Variants in TM4SF4 observed in about 807,000 individuals in gnomAD.
TM4SF4 encodes transmembrane 4 L six family member 4.
Under a neutral mutation model 24.1 loss-of-function variants are expected in TM4SF4, and 24 were observed. The ratio of observed to expected loss-of-function variants is 1.00; its 90% CI spans 0.72 to 1.40. The LOEUF (loss-of-function observed/expected upper bound fraction) is 1.40, where lower values mean the gene tolerates loss of function less well. TM4SF4 is among the 40% of genes most tolerant of loss of function. The probability of loss-of-function intolerance (pLI) is 0.00; values close to 1 mark genes in which losing one functional copy is unlikely to be tolerated. For synonymous variants in TM4SF4, 113 were observed against 97.0 expected, an observed-to-expected ratio of 1.17 and a Z score of -0.97; for missense variants, 254 against 254.2, an observed-to-expected ratio of 1.00 and a Z score of 0.01.
At chr3:149,486,231 A>G (rs1285808498) in intron 2 of TM4SF4, among the ~76,000 whole-genome samples, 1 of 152,190 alleles carries the variant, frequency 6.6e-6, no homozygotes, top group Admixed American at 6.5e-5. Context: ...ATTTAGCTTA[A>G]GCTGCCACGT....
chr3:149,495,016 A>C (rs1034112759), intron 3 of TM4SF4: 1 of 212,134 alleles, frequency 4.7e-6, no homozygotes, highest in Non-Finnish European at 9.8e-6. Flanking sequence ...GTGAATCTGA[A>C]GCCGATATCT....
chr3:149,486,120 G>C (rs1051667250), intron 2 of TM4SF4, among the ~76,000 whole-genome samples: 6 of 152,082 alleles, frequency 3.9e-5, no homozygotes, highest in African/African-American at 1.4e-4. Context: ...AATCACCCAG[G>C]CACGATCAGG....
In TM4SF4 at chr3:149,494,489, A is replaced by G. The variant is rs529273244; in HGVS notation, c.402-4233A>G. ...TGTGCCTGGAAAATATTGCATCTTT[A>G]TAACCTTTTATAATTACCAAGTTTT... On this transcript the variant is annotated intron_variant, in intron 3 of 4. Transcript: ENST00000305354. 7.2e-5 allele frequency among the ~76,000 whole-genome samples: 11 copies of G among 152,338 alleles called. No homozygotes were observed. In the South Asian group the frequency reaches 2.3e-3, roughly 32 times the overall value.
At chr3:149,481,966 A>G (rs1469834316) in intron 2 of TM4SF4, among the ~76,000 whole-genome samples, 1 of 152,252 alleles carries the variant, frequency 6.6e-6, no homozygotes, top group Non-Finnish European at 1.5e-5. Flanking sequence ...AAATACTATA[A>G]TATAATAATG....
intron 4 of TM4SF4, among the ~76,000 whole-genome samples, chr3:149,500,557 C>A (rs960570777): frequency 6.6e-6 from 1 of 152,044 alleles, no homozygotes; most frequent in African/African-American, 2.4e-5. Flanking sequence ...TAGTAATCCA[C>A]CAAAATTATT....
intron 2 of TM4SF4, among the ~76,000 whole-genome samples, chr3:149,478,078 C>T (rs1447347175): frequency 6.6e-6 from 1 of 152,166 alleles, no homozygotes; most frequent in Non-Finnish European, 1.5e-5. Flanking sequence ...AAGTATTACA[C>T]AAAACTTGGT....
At chr3:149,481,456 GA>G (rs1734031867) in intron 2 of TM4SF4, among the ~76,000 whole-genome samples, 1 of 152,116 alleles carries the variant, frequency 6.6e-6, no homozygotes, top group African/African-American at 2.4e-5. Flanking sequence ...TATAAATGAG[GA>G]AACTGGGGCT....
intron 3 of TM4SF4, among the ~76,000 whole-genome samples, chr3:149,497,765 C>T (rs898008628): frequency 1.3e-5 from 2 of 152,120 alleles, no homozygotes; most frequent in Non-Finnish European, 2.9e-5. Context: ...CAGCCTTAGT[C>T]TCCTGAGTAG....
chr3:149,487,607 CCT>C lies in TM4SF4; in HGVS notation c.265-7_265-6del, dbSNP rs759257383. ...CCTGGAGAATGTGACTGTCTCTCTT[CCT>C]CTCTTTCAGATGTTCACCTCCACGA... On this transcript the variant is annotated splice_polypyrimidine_tract_variant and intron_variant, in intron 2 of 4. Transcript: ENST00000305354. The C allele has an allele frequency of 6.2e-7, 1 of 1,613,950 alleles. No homozygotes were observed. The highest frequency in any genetic ancestry group is 8.5e-7 in the Non-Finnish European group (1 of 1,179,846).
chr3:149,492,678 G>A (rs945870739), intron 3 of TM4SF4, among the ~76,000 whole-genome samples: 11 of 151,950 alleles, frequency 7.2e-5, no homozygotes, highest in Non-Finnish European at 1.5e-4. Flanking sequence ...AAGAGTCAAG[G>A]GCAAGGAGAG....
At chr3:149,489,653 C>T (rs942618300) in intron 3 of TM4SF4, among the ~76,000 whole-genome samples, 11 of 152,150 alleles carry the variant, frequency 7.2e-5, no homozygotes, top group African/African-American at 1.7e-4. Flanking sequence ...GGACAGGAAA[C>T]GACTTTTGGA....
chr3:149,476,684 C>T (rs934746834), intron 2 of TM4SF4, among the ~76,000 whole-genome samples: 12 of 152,312 alleles, frequency 7.9e-5, no homozygotes, highest in African/African-American at 2.4e-4. Context: ...CTTTCCACAA[C>T]ATAGAATGTC....
intron 3 of TM4SF4, 46 bp from the exon 4 acceptor site, chr3:149,498,676 G>A (rs2107876842): frequency 1.9e-6 from 3 of 1,571,422 alleles, no homozygotes; most frequent in Non-Finnish European, 2.6e-6. Context: ...GGAGGGAATT[G>A]CACACTTTTT....
chr3:149,494,175 CT>C (rs1159274518), intron 3 of TM4SF4, among the ~76,000 whole-genome samples: 1 of 152,140 alleles, frequency 6.6e-6, no homozygotes, highest in Admixed American at 6.5e-5. Flanking sequence ...TGAACACAGG[CT>C]TTTTTGCCAG....
chr3:149,481,101 C>A (rs1734025958), intron 2 of TM4SF4, among the ~76,000 whole-genome samples: 1 of 152,152 alleles, frequency 6.6e-6, no homozygotes, highest in African/African-American at 2.4e-5. Context: ...ACCTCTTGAT[C>A]TGCCTGCCTT....
chr3:149,486,020 C>A (rs534155498), intron 2 of TM4SF4, among the ~76,000 whole-genome samples: 2 of 152,098 alleles, frequency 1.3e-5, no homozygotes, highest in African/African-American at 4.8e-5. Context: ...ATTAAAAAGA[C>A]TTTTTTTAAA....
chr3:149,475,680 C>T (rs1194379359), intron 1 of TM4SF4, 143 bp from the exon 2 acceptor site: 1 of 666,120 alleles, frequency 1.5e-6, no homozygotes, highest in Non-Finnish European at 2.7e-6. Context: ...CTCCATTACC[C>T]CTCCAGCCAT....
At chr3:149,486,434 C>T (rs1437713998) in intron 2 of TM4SF4, among the ~76,000 whole-genome samples, 6 of 152,186 alleles carry the variant, frequency 3.9e-5, no homozygotes, top group East Asian at 3.9e-4. Context: ...CAGAGGTGAT[C>T]GTTTTCTGCC....
chr3:149,483,278 C>G (rs531822337), intron 2 of TM4SF4, among the ~76,000 whole-genome samples: 2 of 152,234 alleles, frequency 1.3e-5, no homozygotes, highest in East Asian at 3.9e-4. Flanking sequence ...ATGGAGGCGG[C>G]TAAGAAACAG....
Sources: gnomAD v4.1 joint callset for allele counts (sites outside exome capture counted in the v4.1 genomes callset) on GRCh38, gnomAD v4.1.1 for gene constraint, MANE v1.5 for transcripts, NCBI Gene and HGNC (gene_info 2026-07-23, HGNC 2026-07-21) for gene names.